The following AP3B1 variants were observed in gnomAD, a reference collection of about 807,000 sequenced individuals.
AP3B1 encodes the protein adaptor related protein complex 3 subunit beta 1, also known as AP-3 complex subunit beta-1.
In AP3B1, 61 loss-of-function variants were observed where a neutral mutation model predicts 132.5. The observed-to-expected ratio is 0.46, with a 90% CI of 0.37 to 0.57. The LOEUF is 0.57. AP3B1 is among the 20% of genes least tolerant of loss of function. The pLI, the probability that AP3B1 is intolerant of heterozygous loss-of-function variation, is 0.00. For missense variants in AP3B1, 1,120 were observed against 1,289.4 expected, an observed-to-expected ratio of 0.87 and a Z score of 2.01; for synonymous variants, 388 against 438.3, an observed-to-expected ratio of 0.89 and a Z score of 1.43.
At chr5:78,061,188 G>A (rs1749041370) in intron 22 of AP3B1, among the ~76,000 whole-genome samples, 1 of 149,418 alleles carries the variant, frequency 6.7e-6, no homozygotes, top group South Asian at 2.1e-4. Context: ...TTGATCAAAA[G>A]ACTGATGAAT....
chr5:78,016,783 T>C (rs1164380304), intron 25 of AP3B1, among the ~76,000 whole-genome samples: 2 of 152,248 alleles, frequency 1.3e-5, no homozygotes, highest in East Asian at 3.9e-4. Context: ...CTGGGAACAC[T>C]ATGTTCTGTC....
intron 2 of AP3B1, among the ~76,000 whole-genome samples, chr5:78,253,592 T>C (rs142302600): frequency 1.3e-5 from 2 of 152,256 alleles, no homozygotes; most frequent in Non-Finnish European, 2.9e-5. Context: ...AAGAGAAATA[T>C]GTGACCTTTC....
At chr5:78,216,818 A>G (rs749409053) in intron 6 of AP3B1, among the ~76,000 whole-genome samples, 19 of 152,158 alleles carry the variant, frequency 1.2e-4, no homozygotes, top group Admixed American at 1.0e-3. Context: ...ATTTTAGAAC[A>G]TCACCTGGGC....
At chr5:78,043,807 T>A in intron 22 of AP3B1, 1 of 365,626 alleles carries the variant, frequency 2.7e-6, no homozygotes, top group Non-Finnish European at 5.4e-6. Flanking sequence ...CTGAAGAGCC[T>A]CCATAAATCC....
intron 1 of AP3B1, among the ~76,000 whole-genome samples, chr5:78,277,068 T>C (rs1748812464): frequency 6.6e-6 from 1 of 152,190 alleles, no homozygotes; most frequent in Non-Finnish European, 1.5e-5. Flanking sequence ...TTTGCATTTA[T>C]AGTATATTAT....
chr5:78,076,468 T>A (rs2112172814), intron 22 of AP3B1, among the ~76,000 whole-genome samples: 1 of 152,326 alleles, frequency 6.6e-6, no homozygotes, highest in Middle Eastern at 3.4e-3. Flanking sequence ...GATAAAAGTG[T>A]CTTTGTTATT....
chr5:78,193,770 A>ATATATATATATATATATTT, intron 7 of AP3B1, among the ~76,000 whole-genome samples: 1 of 67,218 alleles, frequency 1.5e-5, no homozygotes, highest in African/African-American at 5.2e-5. Flanking sequence ...ATATATATAT[A>ATATATATATATATATATTT]TTTTTTTTTT....
chr5:78,173,139 T>C (rs926192027), intron 11 of AP3B1, among the ~76,000 whole-genome samples: 10 of 152,224 alleles, frequency 6.6e-5, no homozygotes, highest in Admixed American at 6.5e-4. Context: ...TTGTGATTTC[T>C]GTTCTTTTAC....
intron 2 of AP3B1, among the ~76,000 whole-genome samples, chr5:78,266,908 A>C (rs549087038): frequency 4.7e-4 from 71 of 152,294 alleles, no homozygotes; most frequent in Middle Eastern, 3.4e-3. Context: ...GGAAAAATAA[A>C]AAATTAAAAT....
At position 78,002,957 on chromosome 5, in the gene AP3B1, G is replaced by A. The variant is rs773537846; in HGVS notation, c.3230C>T (p.Thr1077Ile). 2.5e-6 allele frequency: 4 copies of A among 1,614,178 alleles called. No homozygotes were observed. In the South Asian group the frequency reaches 4.4e-5, roughly 18 times the overall value. ...CCGCAGCAGAACAGAGCCAATCACA[G>A]TTTTCTCAGTGTTTATGATAAGCTG... ...TAQLIINTEK[T>I]VIGSVLLREL... is the part of the protein sequence containing the mutation. Residue 1077 changes from threonine (T) to isoleucine (I), a missense_variant, in exon 27 of 27, where the codon ACT becomes ATT. Thr to Ile is a moderately conservative substitution (Grantham distance 89, BLOSUM62 -1). This residue lies in a region of AP3B1 where 906 missense variants were observed against 997.1 expected (regional missense o/e 0.91). Transcript: ENST00000255194.
chr5:78,049,452 A>G (rs987430161), intron 22 of AP3B1, among the ~76,000 whole-genome samples: 1 of 152,236 alleles, frequency 6.6e-6, no homozygotes, highest in Non-Finnish European at 1.5e-5. Context: ...ACAGAGACAA[A>G]GCCAAAGTAT....
At chr5:78,096,829 G>T (rs577605503) in intron 21 of AP3B1, among the ~76,000 whole-genome samples, 182 of 151,320 alleles carry the variant, frequency 1.2e-3, no homozygotes, top group Non-Finnish European at 1.4e-3. Context: ...CGCCCCGTCC[G>T]GGAGGGAGGG....
intron 1 of AP3B1, among the ~76,000 whole-genome samples, chr5:78,269,949 T>G (rs1399600200): frequency 6.6e-6 from 1 of 152,180 alleles, no homozygotes; most frequent in African/African-American, 2.4e-5. Flanking sequence ...AGTCTCACTC[T>G]GTCACCCAGG....
chr5:78,085,893 C>T (rs1156884006), intron 22 of AP3B1, among the ~76,000 whole-genome samples: 4 of 152,094 alleles, frequency 2.6e-5, no homozygotes, highest in African/African-American at 9.7e-5. Flanking sequence ...CCCTCCAAAA[C>T]ATCAGATAGA....
intron 13 of AP3B1, 98 bp downstream of exon 13, chr5:78,162,721 A>G: frequency 1.5e-6 from 2 of 1,360,264 alleles, no homozygotes; most frequent in Non-Finnish European, 2.1e-6. Context: ...TAACTGGAAA[A>G]GCTAAAATGC....
chr5:78,166,383 T>G (rs1005304821), intron 11 of AP3B1, among the ~76,000 whole-genome samples: 1 of 152,194 alleles, frequency 6.6e-6, no homozygotes, highest in African/African-American at 2.4e-5. Flanking sequence ...TTTGGCTTTT[T>G]GTCTTTTAGT....
intron 1 of AP3B1, among the ~76,000 whole-genome samples, chr5:78,286,958 G>A (rs1205624650): frequency 6.6e-6 from 1 of 151,998 alleles, no homozygotes; most frequent in African/African-American, 2.4e-5. Context: ...TTTAAATTTT[G>A]AATTTGGACT....
intron 24 of AP3B1, among the ~76,000 whole-genome samples, chr5:78,027,526 G>A (rs1409089030): frequency 1.3e-5 from 2 of 151,810 alleles, no homozygotes; most frequent in African/African-American, 4.8e-5. Flanking sequence ...CTTTTCTTGT[G>A]CATTTTTTTT....
At chr5:78,276,806 C>A (rs1348155514) in intron 1 of AP3B1, among the ~76,000 whole-genome samples, 1 of 151,074 alleles carries the variant, frequency 6.6e-6, no homozygotes, top group Non-Finnish European at 1.5e-5. Context: ...GAAGCTGAGG[C>A]GGCAGTGAGC....
Sources: allele counts gnomAD v4.1 joint callset (sites outside exome capture counted in the v4.1 genomes callset), GRCh38; gene constraint gnomAD v4.1.1; regional missense constraint gnomAD v4.1.1; transcripts MANE v1.5; gene names NCBI Gene and HGNC (gene_info 2026-07-23, HGNC 2026-07-21).